Variants in KCNMB2 observed in about 807,000 individuals in gnomAD.
The protein encoded by KCNMB2 is potassium calcium-activated channel subfamily M regulatory beta subunit 2, also known as calcium-activated potassium channel subunit beta-2.
Under a neutral mutation model 24.5 loss-of-function variants are expected in KCNMB2, and 9 were observed. The observed-to-expected ratio is 0.37, with a 90% confidence interval of 0.22 to 0.64. The LOEUF (loss-of-function observed/expected upper bound fraction) is 0.64, where lower values mean the gene tolerates loss of function less well. Among genes scored for constraint, KCNMB2 ranks in the 30% least tolerant of loss-of-function variants. The probability of loss-of-function intolerance (pLI) is 0.63; values close to 1 mark genes in which losing one functional copy is unlikely to be tolerated. For missense variants in KCNMB2, 226 were observed against 284.3 expected (o/e 0.79, Z 1.47); for synonymous variants, 109 against 104.4 (o/e 1.04, Z -0.27).
At chr3:178,584,481 C>T (rs1398701424) in intron 1 of KCNMB2, among the ~76,000 whole-genome samples, 1 of 144,826 alleles carries the variant, frequency 6.9e-6, no homozygotes, top group African/African-American at 2.5e-5. Context: ...GTACTTACCT[C>T]ACAGAGCTGT....
At chr3:178,695,409 G>A (rs1263926777) in intron 1 of KCNMB2, among the ~76,000 whole-genome samples, 1 of 152,208 alleles carries the variant, frequency 6.6e-6, no homozygotes, top group Admixed American at 6.5e-5. Context: ...GCAAATTTCT[G>A]CATTAGGCTT....
chr3:178,678,663 T>C (rs932963630), intron 1 of KCNMB2, among the ~76,000 whole-genome samples: 1 of 152,190 alleles, frequency 6.6e-6, no homozygotes, highest in Admixed American at 6.5e-5. Flanking sequence ...CTTCACCTAT[T>C]GGGGATGCTG....
intron 2 of KCNMB2, among the ~76,000 whole-genome samples, chr3:178,821,035 G>A (rs1422347475): frequency 6.6e-6 from 1 of 152,276 alleles, no homozygotes; most frequent in Non-Finnish European, 1.5e-5. Flanking sequence ...TACACCCACT[G>A]TTGGGCAGCA....
intron 1 of KCNMB2, among the ~76,000 whole-genome samples, chr3:178,722,257 C>A (rs988909040): frequency 1.3e-5 from 2 of 152,050 alleles, no homozygotes; most frequent in African/African-American, 4.8e-5. Context: ...CACATATATA[C>A]ATATATAATT....
At chr3:178,686,632 T>C (rs1465469064) in intron 1 of KCNMB2, among the ~76,000 whole-genome samples, 2 of 152,184 alleles carry the variant, frequency 1.3e-5, no homozygotes, top group Non-Finnish European at 2.9e-5. Context: ...GGTGTCCTAT[T>C]TGGGGATACC....
intron 1 of KCNMB2, among the ~76,000 whole-genome samples, chr3:178,653,400 C>T (rs1482469111): frequency 6.6e-6 from 1 of 151,874 alleles, no homozygotes; most frequent in Non-Finnish European, 1.5e-5. Flanking sequence ...CTGTCTCTTC[C>T]CTTCTAATTC....
chr3:178,712,558 G>C (rs1722488808), intron 1 of KCNMB2, among the ~76,000 whole-genome samples: 1 of 152,124 alleles, frequency 6.6e-6, no homozygotes, highest in Non-Finnish European at 1.5e-5. Context: ...TTTATTACAC[G>C]CACACTGTAT....
chr3:178,762,103 A>G lies in KCNMB2; in HGVS notation c.-67-45240A>G, dbSNP rs1017746599. 4.7e-4 allele frequency among the ~76,000 whole-genome samples: 72 copies of G among 152,250 alleles called. 1 individual carries two copies. The highest frequency in any genetic ancestry group is 3.4e-3 in the Middle Eastern group (1 of 294). On this transcript the variant is annotated intron_variant, in intron 1 of 4. Coordinates refer to ENST00000452583, the MANE Select transcript of KCNMB2 (RefSeq NM_181361.3). ...GGAGAATCACTTGAACCCGGGAGGC[A>G]GAGCTTGCAGTGAGCCGAGATCGCA...
At chr3:178,697,475 A>T (rs761551012) in intron 1 of KCNMB2, among the ~76,000 whole-genome samples, 1 of 151,944 alleles carries the variant, frequency 6.6e-6, no homozygotes, top group Non-Finnish European at 1.5e-5. Flanking sequence ...TTCTCCACAC[A>T]TTTCTTTTAA....
intron 1 of KCNMB2, among the ~76,000 whole-genome samples, chr3:178,587,854 C>T (rs1717507437): frequency 6.6e-6 from 1 of 151,236 alleles, no homozygotes; most frequent in Non-Finnish European, 1.5e-5. Flanking sequence ...CATCATTTAA[C>T]ATTAGGTATA....
At chr3:178,586,538 CTT>C (rs10677144) in intron 1 of KCNMB2, among the ~76,000 whole-genome samples, 20 of 68,488 alleles carry the variant, frequency 2.9e-4, no homozygotes, top group African/African-American at 9.6e-4. Flanking sequence ...TTTTTTCTTT[CTT>C]TTTTTTTTTT....
Position 178,626,144 on chromosome 3 carries a change from G to A in KCNMB2, c.-68+89433G>A, listed in dbSNP as rs116306749. Among the ~76,000 whole-genome samples the A allele has an allele frequency of 4.2e-3, 638 of 152,252 alleles. 5 individuals carry two copies. The highest frequency in any genetic ancestry group is 0.013 in the African/African-American group (548 of 41,542). ...CAAAATGCTCCTGTAAATTTCTATCGTTGGCATTGCTCCCTTGTGTAGTAT... is the reference window on the plus strand; with the variant it reads ...CAAAATGCTCCTGTAAATTTCTATCATTGGCATTGCTCCCTTGTGTAGTAT... On this transcript the variant is annotated intron_variant, in intron 1 of 4. Transcript: ENST00000452583.
At chr3:178,628,971 T>A (rs1183054605) in intron 1 of KCNMB2, among the ~76,000 whole-genome samples, 1 of 152,284 alleles carries the variant, frequency 6.6e-6, no homozygotes, top group Admixed American at 6.5e-5. Context: ...CCTGATATCA[T>A]CTCAACAATA....
intron 1 of KCNMB2, among the ~76,000 whole-genome samples, chr3:178,730,253 T>C (rs1723099867): frequency 6.6e-6 from 1 of 152,222 alleles, no homozygotes. Context: ...AATTATCAAA[T>C]TGCATAACTT....
At chr3:178,793,616 C>T (rs1446566504) in intron 1 of KCNMB2, among the ~76,000 whole-genome samples, 2 of 152,028 alleles carry the variant, frequency 1.3e-5, no homozygotes, top group Admixed American at 1.3e-4. Flanking sequence ...CCCTGAAGCA[C>T]CACGGCATGA....
At chr3:178,642,220 G>T (rs1399467857) in intron 1 of KCNMB2, among the ~76,000 whole-genome samples, 1 of 152,148 alleles carries the variant, frequency 6.6e-6, no homozygotes, top group African/African-American at 2.4e-5. Context: ...GATTGTAAAG[G>T]TCAAATGATG....
chr3:178,637,777 T>C (rs1031470657), intron 1 of KCNMB2, among the ~76,000 whole-genome samples: 1 of 152,188 alleles, frequency 6.6e-6, no homozygotes, highest in African/African-American at 2.4e-5. Context: ...CTGCATATGG[T>C]AGTTATTTTC....
intron 1 of KCNMB2, among the ~76,000 whole-genome samples, chr3:178,611,173 G>C (rs1356649075): frequency 6.6e-6 from 1 of 152,082 alleles, no homozygotes; most frequent in Non-Finnish European, 1.5e-5. Flanking sequence ...TTATTGGTCT[G>C]TTCATGTTTT....
intron 1 of KCNMB2, among the ~76,000 whole-genome samples, chr3:178,599,799 T>C (rs1421285743): frequency 6.6e-6 from 1 of 152,190 alleles, no homozygotes; most frequent in Non-Finnish European, 1.5e-5. Flanking sequence ...ACCACCATTC[T>C]ACTTTTCTCT....
Sources: allele counts gnomAD v4.1 joint callset (sites outside exome capture counted in the v4.1 genomes callset), GRCh38; gene constraint gnomAD v4.1.1; transcripts MANE v1.5; gene names NCBI Gene and HGNC (gene_info 2026-07-23, HGNC 2026-07-21).